Variants in PRKCB observed in about 807,000 individuals in gnomAD.
The protein encoded by PRKCB is protein kinase C beta type.
Under a neutral mutation model 81.5 loss-of-function variants are expected in PRKCB, and 13 were observed. The ratio of observed to expected loss-of-function variants is 0.16; its 90% CI spans 0.10 to 0.25. PRKCB has a LOEUF of 0.25. PRKCB is among the 10% of genes least tolerant of loss of function. The probability of loss-of-function intolerance (pLI) is 1.00; values close to 1 mark genes in which losing one functional copy is unlikely to be tolerated. For synonymous variants in PRKCB, 335 were observed against 321.4 expected, an observed-to-expected ratio of 1.04 and a Z score of -0.45; for missense variants, 509 against 875.7, an observed-to-expected ratio of 0.58 and a Z score of 5.29.
intron 2 of PRKCB, chr16:23,963,671 A>G (rs2141793582): frequency 6.6e-6 from 1 of 152,190 alleles, no homozygotes. Context: ...TGTCACCAGC[A>G]CTTGTTTGCT....
intron 5 of PRKCB, among the ~76,000 whole-genome samples, chr16:24,063,947 G>A (rs1023823117): frequency 6.6e-6 from 1 of 152,192 alleles, no homozygotes; most frequent in African/African-American, 2.4e-5. Context: ...AAAAGAATGA[G>A]TTTCAAACTG....
intron 2 of PRKCB, among the ~76,000 whole-genome samples, chr16:23,846,258 A>T (rs1034547023): frequency 7.9e-6 from 1 of 126,328 alleles, no homozygotes; most frequent in Non-Finnish European, 1.6e-5. Context: ...CACTTAGTAG[A>T]TATCTGTTGA....
At position 23,951,854 on chromosome 16, in the gene PRKCB, C is replaced by T. The variant is rs1015744851; in HGVS notation, c.206-36654C>T. Among the ~76,000 whole-genome samples, 4 of 151,980 alleles carry T rather than the reference C, an allele frequency of 2.6e-5. No homozygotes were observed. In the East Asian group the frequency reaches 5.8e-4, roughly 22 times the overall value. On this transcript the variant is annotated intron_variant, in intron 2 of 16. Transcript: ENST00000643927. ...TTGGTTTATGAAATCTTTTGTAATACAGGAACGTCACACTTCCACAGTCAA... is the reference window on the plus strand; with the variant it reads ...TTGGTTTATGAAATCTTTTGTAATATAGGAACGTCACACTTCCACAGTCAA...
At chr16:23,931,886 C>A (rs1421196079) in intron 2 of PRKCB, among the ~76,000 whole-genome samples, 1 of 152,184 alleles carries the variant, frequency 6.6e-6, no homozygotes, top group East Asian at 1.9e-4. Flanking sequence ...GCTTTTCACT[C>A]CATTTCCATA....
chr16:23,858,096 G>T (rs992854176), intron 2 of PRKCB, among the ~76,000 whole-genome samples: 11 of 151,822 alleles, frequency 7.2e-5, no homozygotes, highest in Admixed American at 2.0e-4. Context: ...TTGATGATGA[G>T]GATGATGATG....
intron 3 of PRKCB, 117 bp from the exon 4 acceptor site, chr16:24,032,019 T>C (rs1481054768): frequency 1.5e-6 from 1 of 664,648 alleles, no homozygotes; most frequent in South Asian, 1.9e-5. Context: ...ACAGGTACAA[T>C]GACCTCTGGG....
At chr16:23,882,924 G>A (rs1214882892) in intron 2 of PRKCB, among the ~76,000 whole-genome samples, 2 of 152,056 alleles carry the variant, frequency 1.3e-5, no homozygotes, top group African/African-American at 4.8e-5. Flanking sequence ...TATAGATCCT[G>A]AAGTGGAATT....
intron 7 of PRKCB, among the ~76,000 whole-genome samples, chr16:24,104,098 C>T (rs1966546683): frequency 6.6e-6 from 1 of 152,136 alleles, no homozygotes; most frequent in Non-Finnish European, 1.5e-5. Flanking sequence ...AGACACCACG[C>T]CCAGCTAAGG....
In PRKCB at chr16:24,101,757, A is replaced by G. The variant is rs1474953562; in HGVS notation, c.821+7460A>G. Among the ~76,000 whole-genome samples the G allele has an allele frequency of 7.2e-5, 11 of 152,334 alleles. No homozygotes were observed. In the East Asian group the frequency reaches 2.1e-3, roughly 29 times the overall value. The stretch of plus-strand genomic sequence containing the variant: ...TTTGCAAAAGTGGTTTAACTCCCAC[A>G]CATGCCATATCCTTCTTCCTGGGCT... On this transcript the variant is annotated intron_variant, in intron 7 of 16. Coordinates refer to ENST00000643927, the MANE Select transcript of PRKCB (RefSeq NM_002738.7).
chr16:24,155,590 G>T (rs1472473764), intron 10 of PRKCB, among the ~76,000 whole-genome samples: 3 of 152,176 alleles, frequency 2.0e-5, no homozygotes, highest in African/African-American at 7.2e-5. Flanking sequence ...ATGACCTGGT[G>T]ACTTAAGATG....
chr16:24,072,245 C>T (rs1013165831), intron 5 of PRKCB, among the ~76,000 whole-genome samples: 4 of 152,050 alleles, frequency 2.6e-5, no homozygotes, highest in Admixed American at 6.6e-5. Flanking sequence ...CTTCTCCCAG[C>T]CCCTGGCAAC....
At chr16:24,032,276 T>A in intron 4 of PRKCB, 29 bp downstream of exon 4, 1 of 1,506,640 alleles carries the variant, frequency 6.6e-7, no homozygotes, top group Non-Finnish European at 9.2e-7. Flanking sequence ...TGGGGGCATC[T>A]GCTGATGGCA....
At chr16:23,860,763 C>T (rs913591199) in intron 2 of PRKCB, among the ~76,000 whole-genome samples, 8 of 151,766 alleles carry the variant, frequency 5.3e-5, no homozygotes, top group Admixed American at 1.3e-4. Context: ...ACAAAAAAAC[C>T]GGGCATGGTG....
intron 16 of PRKCB, among the ~76,000 whole-genome samples, chr16:24,211,559 T>A (rs1968138424): frequency 1.4e-5 from 2 of 144,868 alleles, no homozygotes; most frequent in South Asian, 2.2e-4. Flanking sequence ...CAGACTCACT[T>A]TTTTTTTTTT....
chr16:23,866,299 G>C (rs1009586181), intron 2 of PRKCB, among the ~76,000 whole-genome samples: 1 of 152,142 alleles, frequency 6.6e-6, no homozygotes, highest in African/African-American at 2.4e-5. Flanking sequence ...ATCTTCTGCT[G>C]ATTCTGGAGT....
intron 2 of PRKCB, among the ~76,000 whole-genome samples, chr16:23,862,018 C>G (rs1962675268): frequency 6.6e-6 from 1 of 152,152 alleles, no homozygotes; most frequent in Non-Finnish European, 1.5e-5. Flanking sequence ...AATCATTGCT[C>G]CTCCCCCTTT....
intron 2 of PRKCB, among the ~76,000 whole-genome samples, chr16:23,854,876 A>G (rs1471677351): frequency 6.6e-6 from 1 of 152,200 alleles, no homozygotes; most frequent in African/African-American, 2.4e-5. Flanking sequence ...GAACTTGATC[A>G]AAGGCAGGCC....
chr16:23,886,406 G>GTTTTTTTTTTT lies in PRKCB; in HGVS notation c.205+49016_205+49026dup, dbSNP rs398029038. On this transcript the variant is annotated intron_variant, in intron 2 of 16. Transcript: ENST00000643927. ...AGGGTTGGACTATGGTGTGTTAGGT[G>GTTTTTTTTTTT]TTTTTTTTTTTTTTTTTTTTTTTTT... Among the ~76,000 whole-genome samples the GTTTTTTTTTTT allele has an allele frequency of 4.7e-4, 33 of 70,222 alleles. 1 individual carries two copies. The highest frequency in any genetic ancestry group is 6.5e-4 in the Non-Finnish European group (26 of 39,910). The allele number at this position is 70,222 out of a possible 152,430, so 46.1% of individuals were successfully genotyped here.
intron 7 of PRKCB, among the ~76,000 whole-genome samples, chr16:24,102,411 CT>C (rs1044212784): frequency 5.9e-5 from 9 of 152,228 alleles, no homozygotes; most frequent in African/African-American, 2.2e-4. Context: ...ATTCTTGCCC[CT>C]GGGATTCTTT....
Sources: allele counts gnomAD v4.1 joint callset (sites outside exome capture counted in the v4.1 genomes callset), GRCh38; gene constraint gnomAD v4.1.1; transcripts MANE v1.5; gene names NCBI Gene and HGNC (gene_info 2026-07-23, HGNC 2026-07-21).